Variants in TMEM131 observed in about 807,000 individuals in gnomAD.
TMEM131 encodes the protein 2610524E03Rik.
TMEM131 carries 66 observed loss-of-function variants against 211.6 expected under a neutral mutation model. That is an observed-to-expected ratio of 0.31 (90% confidence interval 0.26 to 0.38). The LOEUF is 0.38. TMEM131 is among the 10% of genes least tolerant of loss of function. TMEM131 has a pLI of 1.00. For synonymous variants in TMEM131, 844 were observed against 841.3 expected (o/e 1.00, Z -0.06); for missense variants, 2,036 against 2,299.3 (o/e 0.89, Z 2.34).
At chr2:97,989,679 T>C (rs553186793) in intron 1 of TMEM131, among the ~76,000 whole-genome samples, 1 of 152,376 alleles carries the variant, frequency 6.6e-6, no homozygotes, top group Admixed American at 6.5e-5. Flanking sequence ...TTTCATACTC[T>C]ATCATGACTG....
chr2:97,866,027 T>C (rs919472688), intron 4 of TMEM131, among the ~76,000 whole-genome samples: 3 of 151,992 alleles, frequency 2.0e-5, no homozygotes, highest in African/African-American at 7.3e-5. Context: ...GGACTACAGG[T>C]GCCCACTAAC....
At chr2:97,771,882 A>G (rs899024660) in intron 33 of TMEM131, among the ~76,000 whole-genome samples, 1 of 152,228 alleles carries the variant, frequency 6.6e-6, no homozygotes, top group South Asian at 2.1e-4. Flanking sequence ...GTTTTATGGC[A>G]TGGAACTCTA....
intron 31 of TMEM131, among the ~76,000 whole-genome samples, chr2:97,787,101 T>G (rs1167138413): frequency 6.6e-6 from 1 of 152,228 alleles, no homozygotes; most frequent in African/African-American, 2.4e-5. Flanking sequence ...ATTCATTGTT[T>G]TATATGTGCT....
intron 1 of TMEM131, among the ~76,000 whole-genome samples, chr2:97,977,128 G>A (rs902561144): frequency 6.6e-5 from 10 of 152,036 alleles, no homozygotes; most frequent in African/African-American, 2.4e-4. Context: ...TCTTAGATAC[G>A]ATACCAAAAA....
Position 97,797,594 on chromosome 2 carries a change from G to A in TMEM131, c.2719-78C>T, listed in dbSNP as rs374464101. The A allele has an allele frequency of 3.7e-5, 48 of 1,297,980 alleles. No homozygotes were observed. In the Admixed American group the frequency reaches 6.2e-4, roughly 17 times the overall value. 80.4% of individuals were successfully genotyped at this position (1,297,980 alleles called of 1,614,324 possible). A position where few individuals can be genotyped will look rare whatever the true frequency, so the allele number is the denominator to read the frequency against. On this transcript the variant is annotated intron_variant, in intron 25 of 40. Transcript: ENST00000186436. Reference sequence around the variant, plus strand: ...TGTTTCTTCGCTTACACCCCATCTAGAGCCCAGTATAGTTTCTCAAACTGA... The same window carrying A: ...TGTTTCTTCGCTTACACCCCATCTAAAGCCCAGTATAGTTTCTCAAACTGA...
At chr2:97,987,624 T>C (rs768446906) in intron 1 of TMEM131, among the ~76,000 whole-genome samples, 6 of 152,254 alleles carry the variant, frequency 3.9e-5, no homozygotes, top group Non-Finnish European at 7.3e-5. Context: ...GCATTTTTTC[T>C]TGTTTCAAAT....
chr2:97,837,287 A>G (rs1427912506), intron 7 of TMEM131, 130 bp from the exon 8 acceptor site: 4 of 600,276 alleles, frequency 6.7e-6, no homozygotes, highest in Admixed American at 3.6e-5. Flanking sequence ...TAAACGTAGG[A>G]TATGTATAAT....
At chr2:97,837,647 A>G (rs933920932) in intron 7 of TMEM131, among the ~76,000 whole-genome samples, 1 of 152,212 alleles carries the variant, frequency 6.6e-6, no homozygotes, top group Non-Finnish European at 1.5e-5. Context: ...ATGGAACATG[A>G]AAATATGTGG....
At chr2:97,797,028 C>G (rs1463270051) in intron 26 of TMEM131, 42 bp from the exon 27 acceptor site, 1 of 1,581,406 alleles carries the variant, frequency 6.3e-7, no homozygotes, top group Non-Finnish European at 8.6e-7. Flanking sequence ...CTCATTAAAT[C>G]TGCACAATCT....
At chr2:97,858,872 C>A (rs992521991) in intron 5 of TMEM131, among the ~76,000 whole-genome samples, 13 of 152,180 alleles carry the variant, frequency 8.5e-5, no homozygotes, top group Non-Finnish European at 1.9e-4. Context: ...AAGGACTCAG[C>A]CCGGAAGACA....
chr2:97,762,329 T>C (rs1678896547), intron 35 of TMEM131, 129 bp from the exon 36 acceptor site: 2 of 911,096 alleles, frequency 2.2e-6, no homozygotes, highest in Non-Finnish European at 3.3e-6. Context: ...CGAAAGCTCT[T>C]AGATGTGTTC....
intron 21 of TMEM131, 43 bp from the exon 22 acceptor site, chr2:97,805,248 G>A (rs1681242144): frequency 5.7e-6 from 9 of 1,580,172 alleles, no homozygotes; most frequent in Non-Finnish European, 7.8e-6. Context: ...ATACTCACTT[G>A]TCAATTTTCC....
rs575091598 is a variant in TMEM131 at position 97,759,883 on chromosome 2, A to G, written c.5109-134T>C. 120 of 679,594 alleles carry G rather than the reference A, an allele frequency of 1.8e-4. 1 individual carries two copies. In the South Asian group the frequency reaches 2.0e-3, roughly 11 times the overall value. The allele number at this position is 679,594 out of a possible 1,614,324, so 42.1% of individuals were successfully genotyped here. On this transcript the variant is annotated intron_variant, in intron 38 of 40. Coordinates refer to ENST00000186436, the MANE Select transcript of TMEM131 (RefSeq NM_015348.2). ...TACTCAAATATTAAAAACAGACAAA[A>G]GGAAGAGCTGAACAATGGCTGCTTA...
In TMEM131 at chr2:97,797,451, T is replaced by C. The variant is rs747859937; in HGVS notation, c.2784A>G (p.Leu928=). Residue 928 remains leucine (L), a synonymous_variant, in exon 26 of 41, where the codon CTA becomes CTG. Coordinates refer to ENST00000186436, the MANE Select transcript of TMEM131 (RefSeq NM_015348.2). ...ATTTCTTTTCTCCAGGTTTTAAAAT[T>C]AGGTTTAAAATTAAATGTCGAGAGA... is the stretch of plus-strand genomic sequence containing the variant. ...EGLSRHLILN[L]ILKPGEKKSV... The C allele has an allele frequency of 1.9e-6, 3 of 1,613,482 alleles. No individual in the cohort carries two copies. Among genetic ancestry groups the C allele is most frequent in the South Asian group, 2.2e-5 (2 of 91,038 alleles).
chr2:97,989,334 ATAT>A (rs1377387131), intron 1 of TMEM131, among the ~76,000 whole-genome samples: 1 of 152,158 alleles, frequency 6.6e-6, no homozygotes. Flanking sequence ...AACCTTACAG[ATAT>A]TATGCTAAGT....
chr2:97,974,122 T>C (rs1679421317), intron 1 of TMEM131, among the ~76,000 whole-genome samples: 1 of 152,098 alleles, frequency 6.6e-6, no homozygotes, highest in African/African-American at 2.4e-5. Context: ...TTCCATATGT[T>C]CAAAAAGTTA....
intron 1 of TMEM131, among the ~76,000 whole-genome samples, chr2:97,964,725 C>G (rs534000769): frequency 7.5e-4 from 114 of 152,194 alleles, no homozygotes; most frequent in Non-Finnish European, 1.2e-3. Context: ...TGACACTGTA[C>G]TATGCAATCT....
Position 97,805,141 on chromosome 2 carries a change from C to A in TMEM131, c.2349G>T (p.Leu783Phe), listed in dbSNP as rs1301354269. 1 of 1,613,832 alleles carries A rather than the reference C, an allele frequency of 6.2e-7. No homozygotes were observed. The highest frequency in any genetic ancestry group is 1.1e-5 in the South Asian group (1 of 91,034). Residue 783 changes from leucine to phenylalanine, a missense_variant, in exon 22 of 41, where the codon TTG becomes TTT. By Grantham distance (22) the Leu-to-Phe change is conservative. Around this residue, in one of 3 missense-constraint regions of TMEM131, gnomAD observed 1,623 missense variants for 1,805.9 expected, o/e 0.90. Coordinates refer to ENST00000186436, the MANE Select transcript of TMEM131 (RefSeq NM_015348.2). Reference sequence around the variant, plus strand: ...TCCATCCCTTGAACAGGCTTTGATGCAAATCCCAGTCAGCATCCCACATAT... The same window carrying A: ...TCCATCCCTTGAACAGGCTTTGATGAAAATCCCAGTCAGCATCCCACATAT... Reference protein sequence around the residue: ...QEDMWDADWDLHQSLFKGWTG... With the variant: ...QEDMWDADWDFHQSLFKGWTG...
chr2:97,760,834 G>A lies in TMEM131; in HGVS notation c.4970C>T (p.Pro1657Leu), dbSNP rs756049755. ...GCCAGCCGTGACTGCAGCAAAAGTG[G>A]GGTTGCCGTTCTTGCCCGGGAGCGA... ...AASLPGKNGN[P>L]TFAAVTAGYD... is the part of the protein sequence containing the mutation. Residue 1657 changes from proline (P) to leucine (L), a missense_variant, in exon 37 of 41, where the codon CCC becomes CTC. Physicochemically the swap from Pro to Leu is moderately conservative, Grantham distance 98. Around this residue, in one of 3 missense-constraint regions of TMEM131, gnomAD observed 1,623 missense variants for 1,805.9 expected, o/e 0.90. Coordinates refer to ENST00000186436, the MANE Select transcript of TMEM131 (RefSeq NM_015348.2). The A allele has an allele frequency of 3.7e-6, 6 of 1,614,030 alleles. No homozygotes were observed. The highest frequency in any genetic ancestry group is 5.1e-6 in the Non-Finnish European group (6 of 1,179,894).
Sources: gnomAD v4.1 joint callset for allele counts (sites outside exome capture counted in the v4.1 genomes callset) on GRCh38, gnomAD v4.1.1 for gene constraint, gnomAD v4.1.1 regional missense constraint, MANE v1.5 for transcripts, NCBI Gene and HGNC (gene_info 2026-07-23, HGNC 2026-07-21) for gene names.